The following RHOBTB1 variants were observed in gnomAD, a reference collection of about 807,000 sequenced individuals.
The protein encoded by RHOBTB1 is Rho related BTB domain containing 1, also known as rho-related BTB domain-containing protein 1.
Under a neutral mutation model 71.6 loss-of-function variants are expected in RHOBTB1, and 40 were observed. The ratio of observed to expected loss-of-function variants is 0.56; its 90% CI spans 0.43 to 0.73. The LOEUF (loss-of-function observed/expected upper bound fraction) is 0.73. Ranked by LOEUF, RHOBTB1 falls within the 30% of genes least tolerant of loss-of-function variation. The probability of loss-of-function intolerance (pLI) is 0.00; values close to 1 mark genes in which losing one functional copy is unlikely to be tolerated. For synonymous variants in RHOBTB1, 319 were observed against 334.9 expected, an observed-to-expected ratio of 0.95 and a Z score of 0.52; for missense variants, 797 against 894.0, an observed-to-expected ratio of 0.89 and a Z score of 1.38.
chr10:60,975,948 G>T (rs1196047697), intron 2 of RHOBTB1, among the ~76,000 whole-genome samples: 2 of 152,032 alleles, frequency 1.3e-5, no homozygotes, highest in African/African-American at 2.4e-5. Context: ...GTGGAAGGGA[G>T]GAGTCTTATC....
chr10:60,866,023 G>A (rs1589129199), downstream of RHOBTB1, among the ~76,000 whole-genome samples: 1 of 151,992 alleles, frequency 6.6e-6, no homozygotes, highest in African/African-American at 2.4e-5. Context: ...ATAGAGACAG[G>A]GTTTCACCAT....
intron 1 of RHOBTB1, among the ~76,000 whole-genome samples, chr10:60,990,333 T>C (rs983637188): frequency 6.6e-6 from 1 of 152,138 alleles, no homozygotes; most frequent in African/African-American, 2.4e-5. Context: ...TCTCTCTTTC[T>C]AGTGGACACC....
chr10:60,867,996 G>T (rs1259581589), downstream of RHOBTB1, among the ~76,000 whole-genome samples: 1 of 152,056 alleles, frequency 6.6e-6, no homozygotes, highest in Admixed American at 6.6e-5. Context: ...TATATCTGTG[G>T]CTCACAGTGT....
intron 2 of RHOBTB1, among the ~76,000 whole-genome samples, chr10:60,979,802 T>C (rs2086433805): frequency 6.6e-6 from 1 of 152,168 alleles, no homozygotes; most frequent in African/African-American, 2.4e-5. Flanking sequence ...AGGTAGTTAG[T>C]GAAGGTCTTA....
At chr10:60,862,112 C>A in the RHOBTB1 span, among the ~76,000 whole-genome samples, 2 of 150,996 alleles carry the variant, frequency 1.3e-5, no homozygotes, top group Non-Finnish European at 3.0e-5. Flanking sequence ...TCCTTCCTTC[C>A]TCTCTTTCTT....
intron 2 of RHOBTB1, among the ~76,000 whole-genome samples, chr10:60,927,741 G>A (rs1395373293): frequency 1.3e-5 from 2 of 152,096 alleles, no homozygotes; most frequent in African/African-American, 2.4e-5. Flanking sequence ...TTATATCTAA[G>A]ACCTCAAACG....
chr10:60,933,320 C>T (rs190238622), intron 2 of RHOBTB1, among the ~76,000 whole-genome samples: 23 of 152,164 alleles, frequency 1.5e-4, no homozygotes, highest in African/African-American at 3.1e-4. Context: ...GTCTGGAGTG[C>T]GACTAGAAAT....
rs1396733289 is a variant in RHOBTB1, at chr10:60,888,501, G to A, written c.1167C>T (p.Pro389=). 3.7e-6 allele frequency: 6 copies of A among 1,614,172 alleles called. No individual in the cohort carries two copies. In the South Asian group the frequency reaches 4.4e-5, roughly 12 times the overall value. Residue 389 remains proline, a synonymous_variant, in exon 6 of 11, where the codon CCC becomes CCT. Transcript: ENST00000337910. ...IGMHREMQVN[P]ISKRMGPMTV... ...TCATGGGCCCCATCCGCTTTGAAAT[G>A]GGGTTGACTTGCATTTCCCTGTGCA...
intron 4 of RHOBTB1, among the ~76,000 whole-genome samples, chr10:60,905,119 CA>C (rs2082598771): frequency 6.7e-6 from 1 of 149,632 alleles, no homozygotes; most frequent in Non-Finnish European, 1.5e-5. Flanking sequence ...AAGAGGGTAC[CA>C]AAAAAACTTC....
At chr10:60,876,597 G>A (rs1483392657) in intron 8 of RHOBTB1, among the ~76,000 whole-genome samples, 1 of 152,166 alleles carries the variant, frequency 6.6e-6, no homozygotes, top group Non-Finnish European at 1.5e-5. Context: ...ATAGTTAGAT[G>A]GCTTGGAACT....
rs573363592 is a variant in RHOBTB1, at chr10:60,889,131, C to T, written c.537G>A (p.Lys179=). Residue 179 remains lysine, a synonymous_variant, in exon 6 of 11, where the codon AAG becomes AAA. Coordinates refer to ENST00000337910, the MANE Select transcript of RHOBTB1 (RefSeq NM_014836.5). ...TTTCATAGTATGGTAAGCCAAGTTC[C>T]TTTGCTACCTCTCGGCCTTTTTCTG... ...LPPEKGREVA[K]ELGLPYYETS... 3 of 1,613,878 alleles carry T rather than the reference C, an allele frequency of 1.9e-6. No homozygotes were observed. In the East Asian group the frequency reaches 6.7e-5, roughly 36 times the overall value.
Position 60,888,993 on chromosome 10 carries a change from C to A in RHOBTB1, c.675G>T (p.Gln225His). 6.2e-7 allele frequency: 1 copy of A among 1,614,100 alleles called. No individual in the cohort carries two copies. Among genetic ancestry groups the A allele is most frequent in the Non-Finnish European group, 8.5e-7 (1 of 1,180,020 alleles). ...GGAAGGGTGCCTGAAGTAAAGGTTT[C>A]TGGACTTTCTTTAGGTGGGATTTCC... is the stretch of plus-strand genomic sequence containing the variant. ...QFWKSHLKKV[Q>H]KPLLQAPFLP... Residue 225 changes from glutamine (Q) to histidine (H), a missense_variant, in exon 6 of 11, where the codon CAG (glutamine) becomes CAT (histidine). Gln to His is a conservative substitution (Grantham distance 24). This residue lies in a region of RHOBTB1 where 658 missense variants were observed against 681.5 expected (regional missense o/e 0.97). Transcript: ENST00000337910.
chr10:60,877,943 T>C lies in RHOBTB1; in HGVS notation c.1691A>G (p.Asn564Ser), dbSNP rs532317333. ...AACCAAGTGTGGCAGGCAAAATCTG[T>C]TTGCCAAGGCAATTAATTCCAGCGG... ...LDPLELIALANRFCLPHLVAL... is the reference protein window; with the variant it reads ...LDPLELIALASRFCLPHLVAL... Residue 564 changes from asparagine (N) to serine (S), a missense_variant, in exon 8 of 11, where the codon AAC becomes AGC. Asn to Ser is a conservative substitution (Grantham distance 46). Around this residue, in one of 2 missense-constraint regions of RHOBTB1, gnomAD observed 658 missense variants for 681.5 expected, o/e 0.97. Transcript: ENST00000337910. 2.5e-6 allele frequency: 4 copies of C among 1,613,948 alleles called. No homozygotes were observed. The highest frequency in any genetic ancestry group is 2.5e-6 in the Non-Finnish European group (3 of 1,179,964).
intron 2 of RHOBTB1, among the ~76,000 whole-genome samples, chr10:60,921,684 C>G (rs1172083992): frequency 6.6e-6 from 1 of 152,228 alleles, no homozygotes; most frequent in East Asian, 1.9e-4. Flanking sequence ...AGCCACTCCA[C>G]CTTTCTTAGA....
At chr10:60,872,410 A>C in intron 9 of RHOBTB1, 120 bp from the exon 10 acceptor site, 1 of 714,790 alleles carries the variant, frequency 1.4e-6, no homozygotes, top group Non-Finnish European at 2.4e-6. Context: ...AATTCGGTAA[A>C]CCTCTTGTTT....
At chr10:60,964,318 G>A (rs146428388) in intron 2 of RHOBTB1, among the ~76,000 whole-genome samples, 2 of 152,000 alleles carry the variant, frequency 1.3e-5, no homozygotes, top group Non-Finnish European at 2.9e-5. Context: ...GATTATAAAC[G>A]CTCTCCTGGG....
intron 1 of RHOBTB1, among the ~76,000 whole-genome samples, chr10:60,996,387 A>C (rs1237033027): frequency 2.0e-5 from 3 of 152,088 alleles, no homozygotes; most frequent in African/African-American, 4.8e-5. Context: ...CTTCCCACCC[A>C]CAATCCAGCT....
At chr10:60,865,212 A>G (rs1045933780), downstream of RHOBTB1, among the ~76,000 whole-genome samples, 7 of 152,190 alleles carry the variant, frequency 4.6e-5, no homozygotes. Flanking sequence ...AGGACTTCTG[A>G]GACAGTTTTA....
intron 4 of RHOBTB1, among the ~76,000 whole-genome samples, chr10:60,910,613 T>A (rs1014290285): frequency 1.3e-5 from 2 of 152,206 alleles, no homozygotes; most frequent in Non-Finnish European, 2.9e-5. Context: ...CAGCCCGCAG[T>A]TGGAGGGTGT....
Sources: allele counts gnomAD v4.1 joint callset (sites outside exome capture counted in the v4.1 genomes callset), GRCh38; gene constraint gnomAD v4.1.1; regional missense constraint gnomAD v4.1.1; transcripts MANE v1.5; gene names NCBI Gene and HGNC (gene_info 2026-07-23, HGNC 2026-07-21).